NTM: variants seen among roughly 807,000 people sequenced by gnomAD.
NTM encodes the protein IgLON family member 2.
Under a neutral mutation model 42.1 loss-of-function variants are expected in NTM, and 13 were observed. The observed-to-expected ratio is 0.31, with a 90% CI of 0.20 to 0.49. NTM has a LOEUF of 0.49. NTM is among the 20% of genes least tolerant of loss of function. NTM has a pLI of 0.99. For synonymous variants in NTM, 187 were observed against 179.2 expected, an observed-to-expected ratio of 1.04 and a Z score of -0.35; for missense variants, 373 against 452.8, an observed-to-expected ratio of 0.82 and a Z score of 1.60.
At position 132,002,836 on chromosome 11, in the gene NTM, A is replaced by G. The variant is rs2069637389; in HGVS notation, c.167+91188A>G. ...ATTAAAGTTGAAGATTGAGTTTTAT[A>G]CATTTAAAGTCCTAGAACAAAGCCT... On this transcript the variant is annotated intron_variant, in intron 2 of 8. Transcript: ENST00000683400. The surrounding 1 kb of genome is among the most constrained non-coding windows in gnomAD (Gnocchi z 4.5). 6.6e-6 allele frequency among the ~76,000 whole-genome samples: 1 copy of G among 151,950 alleles called. No individual in the cohort carries two copies. Among genetic ancestry groups the G allele is most frequent in the Non-Finnish European group, 1.5e-5 (1 of 68,050 alleles).
rs2095864031 is a variant in NTM, at chr11:132,335,279, G to C, written c.*133G>C. ...AGAAGAAACACAGCCTCATGGGACA[G>C]AAATTTGAGGGAGGGGAACAAAGAA... is the stretch of plus-strand genomic sequence containing the variant. On this transcript the variant is annotated 3_prime_UTR_variant, in exon 9 of 9. Coordinates refer to ENST00000683400, the MANE Select transcript of NTM (RefSeq NM_001352005.2). 2 of 928,698 alleles carry C rather than the reference G, an allele frequency of 2.2e-6. No homozygotes were observed. Among genetic ancestry groups the C allele is most frequent in the Non-Finnish European group, 3.1e-6 (2 of 642,308 alleles). The allele number at this position is 928,698 out of a possible 1,614,324, so 57.5% of individuals were successfully genotyped here.
At chr11:132,162,061 A>T (rs2074403525) in intron 3 of NTM, among the ~76,000 whole-genome samples, 2 of 152,148 alleles carry the variant, frequency 1.3e-5, no homozygotes, top group Admixed American at 1.3e-4. Flanking sequence ...AGATCCAAAC[A>T]TGTTACGTCC....
intron 1 of NTM, chr11:131,536,666 A>G (rs1372578839): frequency 2.6e-5 from 4 of 152,192 alleles, no homozygotes; most frequent in East Asian, 3.9e-4. Context: ...GTATAAAGGT[A>G]GATTCTACTT....
At position 131,606,335 on chromosome 11, in the gene NTM, T is replaced by C. The variant is rs563379110; in HGVS notation, c.82+235447T>C. ...CCTCCCAAAGTGCTGGGATTACAGG[T>C]GTGAGCCACCACACCTGGCTGACGG... is the stretch of plus-strand genomic sequence containing the variant. On this transcript the variant is annotated intron_variant, in intron 1 of 8. Transcript: ENST00000683400. Among the ~76,000 whole-genome samples the C allele has an allele frequency of 2.5e-4, 38 of 152,238 alleles. 1 individual carries two copies. The highest frequency in any genetic ancestry group is 7.7e-4 in the African/African-American group (32 of 41,538).
At chr11:131,634,053 C>T (rs1014616567) in intron 1 of NTM, among the ~76,000 whole-genome samples, 1 of 152,082 alleles carries the variant, frequency 6.6e-6, no homozygotes, top group Non-Finnish European at 1.5e-5. Context: ...ACCAAAACCC[C>T]CTTGTGAGCT....
chr11:131,812,001 G>T (rs2092749860), intron 1 of NTM, among the ~76,000 whole-genome samples: 2 of 152,144 alleles, frequency 1.3e-5, no homozygotes, highest in Admixed American at 6.5e-5. Context: ...TTGTATGGAG[G>T]TTGTTAGCAA....
intron 1 of NTM, among the ~76,000 whole-genome samples, chr11:131,507,293 G>A (rs941718584): frequency 1.4e-4 from 21 of 151,748 alleles, no homozygotes; most frequent in African/African-American, 5.1e-4. Context: ...AGTTTTCCCA[G>A]CACCATTTAT....
chr11:131,720,578 T>G (rs1415713881), intron 1 of NTM, among the ~76,000 whole-genome samples: 2 of 152,222 alleles, frequency 1.3e-5, no homozygotes, highest in African/African-American at 4.8e-5. Context: ...AGCCTAGTAA[T>G]GGTGGCAATG....
intron 1 of NTM, among the ~76,000 whole-genome samples, chr11:131,531,246 C>A (rs1040905303): frequency 1.3e-5 from 2 of 152,180 alleles, no homozygotes; most frequent in Admixed American, 6.5e-5. Flanking sequence ...AGTGATCCTC[C>A]TACCTCAGCC....
At chr11:132,097,979 G>A (rs748844338) in intron 2 of NTM, among the ~76,000 whole-genome samples, 20 of 152,276 alleles carry the variant, frequency 1.3e-4, no homozygotes, top group Non-Finnish European at 2.4e-4. Context: ...TTCTGCTTTT[G>A]CCCAATTAAG....
intron 2 of NTM, among the ~76,000 whole-genome samples, chr11:131,956,194 G>T (rs1010174060): frequency 6.6e-6 from 1 of 152,284 alleles, no homozygotes; most frequent in Middle Eastern, 3.4e-3. Flanking sequence ...GGAATGCCAC[G>T]TGCTGATTTC....
intron 2 of NTM, among the ~76,000 whole-genome samples, chr11:132,114,288 C>G (rs960983935): frequency 6.6e-6 from 1 of 152,176 alleles, no homozygotes. Flanking sequence ...CTGGGTAGTA[C>G]TTCGAACACT....
intron 2 of NTM, among the ~76,000 whole-genome samples, chr11:132,018,321 A>T (rs2073772191): frequency 6.6e-6 from 1 of 151,942 alleles, no homozygotes; most frequent in African/African-American, 2.4e-5. Context: ...ATGGGGGAAA[A>T]CATTTAGTCT....
intron 1 of NTM, among the ~76,000 whole-genome samples, chr11:131,593,108 A>C (rs1390320554): frequency 1.3e-5 from 2 of 152,082 alleles, no homozygotes. Flanking sequence ...GCAAAAAGCA[A>C]ACTATTATTT....
chr11:131,782,378 A>G (rs1045636562), intron 1 of NTM, among the ~76,000 whole-genome samples: 2 of 151,892 alleles, frequency 1.3e-5, no homozygotes, highest in East Asian at 1.9e-4. Flanking sequence ...ACAAAAAAAA[A>G]CAACTCTAGG....
rs2060349001 is a variant in NTM, at chr11:131,946,399, C to G, written c.167+34751C>G. Among the ~76,000 whole-genome samples the G allele has an allele frequency of 1.3e-5, 2 of 152,114 alleles. 1 individual carries two copies. The highest frequency in any genetic ancestry group is 1.3e-4 in the Admixed American group (2 of 15,286). ...GAATGCACCTAAGGCACATACATTGCCACAAGGTCAAATAGGCCATTTCCT... is the reference window on the plus strand; with the variant it reads ...GAATGCACCTAAGGCACATACATTGGCACAAGGTCAAATAGGCCATTTCCT... On this transcript the variant is annotated intron_variant, in intron 2 of 8. Coordinates refer to ENST00000683400, the MANE Select transcript of NTM (RefSeq NM_001352005.2).
At chr11:131,994,873 TA>T (rs1434922479) in intron 2 of NTM, among the ~76,000 whole-genome samples, 18 of 152,200 alleles carry the variant, frequency 1.2e-4, no homozygotes, top group African/African-American at 4.3e-4. Flanking sequence ...TTTCTACTCC[TA>T]AACTCATTAT....
rs541933511 is a variant in NTM, at chr11:131,976,390, C to T, written c.167+64742C>T. 7.2e-5 allele frequency among the ~76,000 whole-genome samples: 11 copies of T among 152,272 alleles called. No homozygotes were observed. In the East Asian group the frequency reaches 2.1e-3, roughly 30 times the overall value. On this transcript the variant is annotated intron_variant, in intron 2 of 8. Coordinates refer to ENST00000683400, the MANE Select transcript of NTM (RefSeq NM_001352005.2). The stretch of plus-strand genomic sequence containing the variant: ...CAGTATGGTTTATGGACTGCTGTCA[C>T]TTGACTCTTCCTTCTCAGTTGCCTT...
intron 3 of NTM, among the ~76,000 whole-genome samples, chr11:132,162,169 G>T (rs1255346599): frequency 7.1e-6 from 1 of 140,302 alleles, no homozygotes; most frequent in Non-Finnish European, 1.5e-5. Flanking sequence ...GTATAGTAGG[G>T]TATTTGTGTT....
Sources: gnomAD v4.1 joint callset for allele counts (sites outside exome capture counted in the v4.1 genomes callset) on GRCh38, gnomAD v4.1.1 for gene constraint, Gnocchi (gnomAD v3.1) non-coding constraint, MANE v1.5 for transcripts, NCBI Gene and HGNC (gene_info 2026-07-23, HGNC 2026-07-21) for gene names.